The following PRUNE2 variants were observed in gnomAD, a reference collection of about 807,000 sequenced individuals.
PRUNE2 encodes prune homolog 2 with BCH domain.
Under a neutral mutation model 252.0 loss-of-function variants are expected in PRUNE2, and 164 were observed. The observed-to-expected ratio is 0.65, with a 90% CI of 0.57 to 0.74. The LOEUF (loss-of-function observed/expected upper bound fraction) is 0.74. PRUNE2 is among the 30% of genes least tolerant of loss of function. The pLI is 0.00. For missense variants in PRUNE2, 3,495 were observed against 3,711.0 expected, an observed-to-expected ratio of 0.94 and a Z score of 1.51; for synonymous variants, 1,292 against 1,350.2, an observed-to-expected ratio of 0.96 and a Z score of 0.94.
chr9:76,868,971 A>C (rs548559824), intron 1 of PRUNE2: 1 of 152,106 alleles, frequency 6.6e-6, no homozygotes, highest in East Asian at 1.9e-4. Flanking sequence ...GCTGTGCGGC[A>C]CAGCTTGCCC....
At chr9:76,678,626 G>C (rs1007947203) in intron 9 of PRUNE2, among the ~76,000 whole-genome samples, 11 of 152,038 alleles carry the variant, frequency 7.2e-5, no homozygotes, top group African/African-American at 1.4e-4. Flanking sequence ...TCAGGAGATA[G>C]AGACCATCCT....
At chr9:76,627,413 C>T (rs1159057827) in intron 16 of PRUNE2, among the ~76,000 whole-genome samples, 2 of 152,030 alleles carry the variant, frequency 1.3e-5, no homozygotes, top group East Asian at 3.9e-4. Flanking sequence ...CTCTCTGCCT[C>T]CATACTTTTT....
chr9:76,854,776 T>C (rs778858577), intron 1 of PRUNE2, among the ~76,000 whole-genome samples: 16 of 151,890 alleles, frequency 1.1e-4, no homozygotes, highest in Non-Finnish European at 2.1e-4. Context: ...AAAAGGTGTA[T>C]ATAGTCAGCC....
At chr9:76,740,448 CAAAAAAAA>C (rs547815985) in intron 6 of PRUNE2, 1 of 82,162 alleles carries the variant, frequency 1.2e-5, no homozygotes, top group Non-Finnish European at 2.9e-5. Flanking sequence ...AACTCCGTTT[CAAAAAAAA>C]AAAAAAAAAA....
chr9:76,707,257 C>A lies in PRUNE2; in HGVS notation c.5017G>T (p.Val1673Leu). 6.2e-7 allele frequency: 1 copy of A among 1,613,940 alleles called. No homozygotes were observed. The highest frequency in any genetic ancestry group is 8.5e-7 in the Non-Finnish European group (1 of 1,179,874). The change falls in exon 8 of 19, where the codon GTG (valine) becomes TTG (leucine). Residue 1673 changes from valine (V) to leucine (L), a missense_variant. Val to Leu is a conservative substitution (Grantham distance 32). Transcript: ENST00000376718. ...EKNEHDISAT[V>L]QPEDARVIST... ...ATGACCCTGGCATCCTCTGGCTGCA[C>A]AGTTGCAGAAATGTCATGTTCATTT...
chr9:76,700,679 T>C, intron 9 of PRUNE2, among the ~76,000 whole-genome samples: 1 of 152,226 alleles, frequency 6.6e-6, no homozygotes, highest in East Asian at 1.9e-4. Context: ...TTTTTTCTTC[T>C]GACTATAAAA....
chr9:76,611,617 C>T lies in PRUNE2; in HGVS notation c.*2953G>A, dbSNP rs1440987517. The stretch of plus-strand genomic sequence containing the variant: ...AAACTACTGAGGCATTGTGATAAGA[C>T]GAGAGTTGCAAACATAGTACCATAA... On this transcript the variant is annotated 3_prime_UTR_variant, in exon 19 of 19. Coordinates refer to ENST00000376718, the MANE Select transcript of PRUNE2 (RefSeq NM_015225.3). 1.3e-5 allele frequency: 2 copies of T among 152,550 alleles called. No homozygotes were observed. The highest frequency in any genetic ancestry group is 2.4e-5 in the African/African-American group (1 of 41,424). The allele number at this position is 152,550 out of a possible 1,614,324, so 9.4% of individuals were successfully genotyped here.
intron 6 of PRUNE2, among the ~76,000 whole-genome samples, chr9:76,822,169 T>C (rs2058071071): frequency 1.3e-5 from 2 of 152,126 alleles, no homozygotes; most frequent in African/African-American, 2.4e-5. Flanking sequence ...ACCTCACAAA[T>C]TGAATATATT....
chr9:76,891,661 C>T (rs1334607889), intron 1 of PRUNE2, among the ~76,000 whole-genome samples: 1 of 152,228 alleles, frequency 6.6e-6, no homozygotes, highest in Non-Finnish European at 1.5e-5. Flanking sequence ...TGTATTTTCA[C>T]TCGGACATTT....
At chr9:76,883,190 C>T (rs934221298) in intron 1 of PRUNE2, among the ~76,000 whole-genome samples, 6 of 152,172 alleles carry the variant, frequency 3.9e-5, no homozygotes, top group Non-Finnish European at 8.8e-5. Context: ...AATTGTTTCA[C>T]AAAAACTACA....
At position 76,768,307 on chromosome 9, in the gene PRUNE2, C is replaced by T. The variant is rs1208588600; in HGVS notation, c.757-54586G>A. 2.0e-5 allele frequency among the ~76,000 whole-genome samples: 3 copies of T among 152,174 alleles called. No individual in the cohort carries two copies. In the East Asian group the frequency reaches 5.8e-4, roughly 29 times the overall value. ...TCCTGGGTTCAAACAATTCTCCTAC[C>T]TCAGCCTCCCAAGTAGCTGGGATTA... On this transcript the variant is annotated intron_variant, in intron 6 of 18. Coordinates refer to ENST00000376718, the MANE Select transcript of PRUNE2 (RefSeq NM_015225.3).
At chr9:76,673,533 A>AATCCT (rs1268460072) in intron 9 of PRUNE2, among the ~76,000 whole-genome samples, 4 of 126,816 alleles carry the variant, frequency 3.2e-5, no homozygotes, top group Non-Finnish European at 5.0e-5. Context: ...AAAAAGAGGG[A>AATCCT]ATCCTCCCTA....
chr9:76,708,980 C>CAA lies in PRUNE2; in HGVS notation c.3292_3293dup (p.Leu1098PhefsTer22), dbSNP rs1166463996. ...TCTGCCGGGAGTTGGTGCTGCTGTGCAAAAGTGTGAGTTGTCGGTTTGTTT... is the reference window on the plus strand; with the variant it reads ...TCTGCCGGGAGTTGGTGCTGCTGTGCAAAAAAGTGTGAGTTGTCGGTTTGTTT... On this transcript the variant is annotated frameshift_variant, in exon 8 of 19. Transcript: ENST00000376718. LOFTEE classifies it high-confidence loss of function. The CAA allele has an allele frequency of 6.2e-7, 1 of 1,613,990 alleles. No homozygotes were observed. The highest frequency in any genetic ancestry group is 1.7e-5 in the Admixed American group (1 of 60,012).
chr9:76,859,676 G>A (rs746344422), intron 1 of PRUNE2, among the ~76,000 whole-genome samples: 64 of 148,794 alleles, frequency 4.3e-4, no homozygotes, highest in Non-Finnish European at 8.0e-4. Flanking sequence ...AGAATTCAGA[G>A]GCTAGGGTGC....
At chr9:76,748,218 G>A (rs561022308) in intron 6 of PRUNE2, among the ~76,000 whole-genome samples, 1 of 152,280 alleles carries the variant, frequency 6.6e-6, no homozygotes, top group South Asian at 2.1e-4. Flanking sequence ...AATAAGCTTT[G>A]GGGAGAAAAG....
At chr9:76,812,534 A>G (rs372159392) in intron 6 of PRUNE2, among the ~76,000 whole-genome samples, 9 of 152,332 alleles carry the variant, frequency 5.9e-5, no homozygotes, top group African/African-American at 2.2e-4. Flanking sequence ...AAAAACTATG[A>G]GCACTTCTAC....
At position 76,705,224 on chromosome 9, in the gene PRUNE2, A is replaced by AC. The variant is rs1167201744; in HGVS notation, c.7049dup (p.Asp2351Ter). 1 of 1,613,648 alleles carries AC rather than the reference A, an allele frequency of 6.2e-7. No homozygotes were observed. The highest frequency in any genetic ancestry group is 8.5e-7 in the Non-Finnish European group (1 of 1,179,852). The stretch of plus-strand genomic sequence containing the variant: ...GGCCCATTACATCATATTCAAAATC[A>AC]CCCCACGAGGCTTCAGATGAGCAGA... On this transcript the variant is annotated frameshift_variant, in exon 8 of 19. Coordinates refer to ENST00000376718, the MANE Select transcript of PRUNE2 (RefSeq NM_015225.3). LOFTEE classifies it high-confidence loss of function.
chr9:76,658,537 A>G (rs1000500162), intron 9 of PRUNE2, among the ~76,000 whole-genome samples: 3 of 152,244 alleles, frequency 2.0e-5, no homozygotes, highest in Non-Finnish European at 4.4e-5. Flanking sequence ...AAGTGGCCAA[A>G]CAGCAGTTGT....
intron 6 of PRUNE2, among the ~76,000 whole-genome samples, chr9:76,724,197 G>C (rs1161538299): frequency 6.8e-6 from 1 of 147,662 alleles, no homozygotes; most frequent in African/African-American, 2.5e-5. Flanking sequence ...GGTGGCTCAT[G>C]CTTATAATCG....
Sources: allele counts gnomAD v4.1 joint callset (sites outside exome capture counted in the v4.1 genomes callset), GRCh38; gene constraint gnomAD v4.1.1; transcripts MANE v1.5; gene names NCBI Gene and HGNC (gene_info 2026-07-23, HGNC 2026-07-21).